AP2A2: variants seen among roughly 807,000 people sequenced by gnomAD.
The protein encoded by AP2A2 is adaptor related protein complex 2 subunit alpha 2, also known as AP-2 complex subunit alpha-2.
A neutral mutation model predicts 104.2 loss-of-function variants in AP2A2; 32 were observed. The ratio of observed to expected loss-of-function variants is 0.31; its 90% CI spans 0.23 to 0.41. AP2A2 has a LOEUF of 0.41. Among genes scored for constraint, AP2A2 ranks in the 10% least tolerant of loss-of-function variants. The pLI is 1.00. For missense variants in AP2A2, 912 were observed against 1,261.0 expected (o/e 0.72, Z 4.19); for synonymous variants, 539 against 533.3 (o/e 1.01, Z -0.15).
intron 2 of AP2A2, among the ~76,000 whole-genome samples, chr11:969,916 G>C (rs1854760242): frequency 6.6e-6 from 1 of 152,352 alleles, no homozygotes; most frequent in Middle Eastern, 3.4e-3. Context: ...TGGGAGGGTA[G>C]AACTCTTGTT....
At chr11:959,905 T>C (rs1471634725) in intron 2 of AP2A2, among the ~76,000 whole-genome samples, 1 of 152,214 alleles carries the variant, frequency 6.6e-6, no homozygotes, top group Non-Finnish European at 1.5e-5. Context: ...TGTGAGCCAG[T>C]GTGTGGGCTG....
chr11:1,000,693 C>T (rs1260962719), intron 15 of AP2A2, 95 bp downstream of exon 15: 13 of 1,319,794 alleles, frequency 9.9e-6, no homozygotes, highest in South Asian at 8.8e-5. Flanking sequence ...AGGTGGGCAG[C>T]GGAGTTTACC....
chr11:1,004,409 G>A (rs1298365749), intron 16 of AP2A2, among the ~76,000 whole-genome samples: 3 of 152,140 alleles, frequency 2.0e-5, no homozygotes, highest in African/African-American at 7.2e-5. Flanking sequence ...GGAGGCGGAG[G>A]TTGCAGTGAG....
rs567114092 is a variant in AP2A2 at position 992,766 on chromosome 11, C to T, written c.1452+81C>T. ...GCAGTGAGTGGTTCCAGCCTGCCTG[C>T]GTGGAGGTGCCGAGGGCCGTTGCTG... On this transcript the variant is annotated intron_variant, in intron 11 of 21. Transcript: ENST00000448903. The surrounding 1 kb of genome is among the most constrained non-coding windows in gnomAD (Gnocchi z 6.4). 200 of 1,519,508 alleles carry T rather than the reference C, an allele frequency of 1.3e-4. 1 individual carries two copies. In the African/African-American group the frequency reaches 2.3e-3, roughly 18 times the overall value. The allele number at this position is 1,519,508 out of a possible 1,614,324, so 94.1% of individuals were successfully genotyped here. A position where few individuals can be genotyped will look rare whatever the true frequency, so the allele number is the denominator to read the frequency against.
intron 1 of AP2A2, among the ~76,000 whole-genome samples, chr11:948,028 G>T (rs1374565891): frequency 6.6e-6 from 1 of 152,148 alleles, no homozygotes; most frequent in Non-Finnish European, 1.5e-5. Flanking sequence ...TGAGAGCAGG[G>T]CTGAGGGGGA....
chr11:988,613 G>A lies in AP2A2; in HGVS notation c.1193G>A (p.Arg398His), dbSNP rs1015727759. The change falls in exon 10 of 22, where the codon CGC becomes CAC. Residue 398 changes from arginine (R) to histidine (H), a missense_variant. Physicochemically the swap from Arg to His is conservative, Grantham distance 29. Coordinates refer to ENST00000448903, the MANE Select transcript of AP2A2 (RefSeq NM_012305.4). ...GACCTCCTCTACGCCATGTGCGACCGCAGCAACGCCCCACAGATCGTGGCC... is the reference window on the plus strand; with the variant it reads ...GACCTCCTCTACGCCATGTGCGACCACAGCAACGCCCCACAGATCGTGGCC... Reference protein sequence around the residue: ...AVDLLYAMCDRSNAPQIVAEM... With the variant: ...AVDLLYAMCDHSNAPQIVAEM... The A allele has an allele frequency of 5.0e-6, 8 of 1,613,334 alleles. No individual in the cohort carries two copies. Among genetic ancestry groups the A allele is most frequent in the South Asian group, 1.1e-5 (1 of 91,092 alleles).
chr11:999,055 C>T (rs1855946301), intron 14 of AP2A2, among the ~76,000 whole-genome samples: 1 of 152,130 alleles, frequency 6.6e-6, no homozygotes. Context: ...GGGGCAGGAC[C>T]CGTGGAGCCC....
chr11:995,058 G>A (rs1401958804), intron 14 of AP2A2, among the ~76,000 whole-genome samples: 1 of 152,216 alleles, frequency 6.6e-6, no homozygotes, highest in Non-Finnish European at 1.5e-5. Context: ...GGGGGCCACT[G>A]TGCCTGCTGG....
At chr11:975,384 G>A (rs556517232) in intron 4 of AP2A2, among the ~76,000 whole-genome samples, 1,453 of 145,012 alleles carry the variant, frequency 0.01, 44 homozygotes, top group African/African-American at 0.038. Context: ...CTTACGAGCC[G>A]ACATTAGTGA....
chr11:959,880 G>C (rs1232335395), intron 2 of AP2A2, among the ~76,000 whole-genome samples: 1 of 152,198 alleles, frequency 6.6e-6, no homozygotes, highest in Non-Finnish European at 1.5e-5. Flanking sequence ...ACCTGCGCTC[G>C]GTGGACTGCC....
intron 1 of AP2A2, among the ~76,000 whole-genome samples, chr11:931,869 T>G (rs1164787733): frequency 6.7e-6 from 1 of 150,216 alleles, no homozygotes; most frequent in African/African-American, 2.5e-5. Flanking sequence ...AGCGGTGTGA[T>G]CTCGGCTCAC....
chr11:968,042 C>G lies in AP2A2; in HGVS notation c.137-2127C>G, dbSNP rs2134606427. Among the ~76,000 whole-genome samples, 1 of 150,764 alleles carries G rather than the reference C, an allele frequency of 6.6e-6. No individual in the cohort carries two copies. Among genetic ancestry groups the G allele is most frequent in the East Asian group, 2.0e-4 (1 of 5,108 alleles). ...CTGCCAGGGGAGCTGGCGGGCTCAC[C>G]TGCCACCTGCCCCACCGAGATGGGT... is the stretch of plus-strand genomic sequence containing the variant. On this transcript the variant is annotated intron_variant, in intron 2 of 21. Transcript: ENST00000448903. The surrounding 1 kb of genome is among the most constrained non-coding windows in gnomAD (Gnocchi z 4.2).
At chr11:991,121 C>CT (rs1293392956) in intron 10 of AP2A2, among the ~76,000 whole-genome samples, 4 of 152,070 alleles carry the variant, frequency 2.6e-5, no homozygotes, top group Non-Finnish European at 5.9e-5. Context: ...CCCCTCTGTC[C>CT]TTTCAGCCGG....
chr11:929,616 G>C (rs1018949210), intron 1 of AP2A2, among the ~76,000 whole-genome samples: 5 of 152,156 alleles, frequency 3.3e-5, no homozygotes, highest in Non-Finnish European at 7.3e-5. Context: ...AATATAGTGA[G>C]ACCCCTGTCT....
At chr11:949,354 G>A (rs118109708) in intron 1 of AP2A2, among the ~76,000 whole-genome samples, 10,424 of 152,252 alleles carry the variant, frequency 0.068, 432 homozygotes, top group South Asian at 0.11. Context: ...TATAAGGCCA[G>A]TATTATGCTG....
In AP2A2 at chr11:985,554, G is replaced by T. The variant is rs1481412372; in HGVS notation, c.934G>T (p.Ala312Ser). 3 of 1,613,828 alleles carry T rather than the reference G, an allele frequency of 1.9e-6. No individual in the cohort carries two copies. The highest frequency in any genetic ancestry group is 3.3e-5 in the Admixed American group (2 of 59,986). Residue 312 changes from alanine (A) to serine (S), a missense_variant, in exon 8 of 22, where the codon GCC (alanine) becomes TCC (serine). This residue lies in a region of AP2A2 where 350 missense variants were observed against 487.0 expected (regional missense o/e 0.72). Coordinates refer to ENST00000448903, the MANE Select transcript of AP2A2 (RefSeq NM_012305.4). Reference sequence around the variant, plus strand: ...CGCGAAGAATGCCGTGCTCTTCGAGGCCATCAGCTTAATCATTCACCATGA... The same window carrying T: ...CGCGAAGAATGCCGTGCTCTTCGAGTCCATCAGCTTAATCATTCACCATGA... Reference protein sequence around the residue: ...SNAKNAVLFEAISLIIHHDSE... With the variant: ...SNAKNAVLFESISLIIHHDSE...
At chr11:961,321 A>G (rs1460449847) in intron 2 of AP2A2, among the ~76,000 whole-genome samples, 1 of 150,854 alleles carries the variant, frequency 6.6e-6, no homozygotes, top group Non-Finnish European at 1.5e-5. Context: ...GCAGAAGCAG[A>G]TGGAGATGTG....
chr11:983,658 C>T (rs1855346598), intron 6 of AP2A2, among the ~76,000 whole-genome samples: 2 of 152,186 alleles, frequency 1.3e-5, no homozygotes, highest in South Asian at 2.1e-4. Context: ...GCTGGGATTA[C>T]AGGCGGGAGC....
intron 1 of AP2A2, among the ~76,000 whole-genome samples, chr11:958,395 A>C (rs1854308670): frequency 6.6e-6 from 1 of 152,236 alleles, no homozygotes; most frequent in Admixed American, 6.5e-5. Flanking sequence ...TGTAGCCCTG[A>C]CATTCCATCA....
Sources: allele counts gnomAD v4.1 joint callset (sites outside exome capture counted in the v4.1 genomes callset), GRCh38; gene constraint gnomAD v4.1.1; regional missense constraint gnomAD v4.1.1; non-coding constraint Gnocchi (gnomAD v3.1); transcripts MANE v1.5; gene names NCBI Gene and HGNC (gene_info 2026-07-23, HGNC 2026-07-21).